The following LRP1B variants were observed in gnomAD, a reference collection of about 807,000 sequenced individuals.
The protein encoded by LRP1B is low-density lipoprotein receptor-related protein 1B.
In LRP1B, 217 loss-of-function variants were observed where a neutral mutation model predicts 556.6. The ratio of observed to expected loss-of-function variants is 0.39; its 90% CI spans 0.35 to 0.44. The LOEUF is 0.44. LRP1B is among the 20% of genes least tolerant of loss of function. The probability of loss-of-function intolerance (pLI) is 1.00; values close to 1 mark genes in which losing one functional copy is unlikely to be tolerated. For synonymous variants in LRP1B, 2,047 were observed against 1,865.8 expected (o/e 1.10, Z -2.50); for missense variants, 5,053 against 5,620.8 (o/e 0.90, Z 3.23).
intron 89 of LRP1B, among the ~76,000 whole-genome samples, chr2:140,237,864 C>T (rs1299256215): frequency 1.3e-5 from 2 of 150,350 alleles, no homozygotes; most frequent in Non-Finnish European, 1.5e-5. Flanking sequence ...TTTATGTAAA[C>T]AAAATTAGAT....
intron 18 of LRP1B, among the ~76,000 whole-genome samples, chr2:140,952,599 C>A (rs1007142371): frequency 6.6e-5 from 10 of 151,554 alleles, no homozygotes; most frequent in African/African-American, 2.4e-4. Context: ...AATCAAGAGA[C>A]CTCCTTACTA....
At chr2:140,677,259 C>A (rs1045675214) in intron 41 of LRP1B, among the ~76,000 whole-genome samples, 3 of 152,112 alleles carry the variant, frequency 2.0e-5, no homozygotes, top group African/African-American at 4.8e-5. Context: ...AATGAGGGAA[C>A]TTGTGAAAGA....
intron 43 of LRP1B, among the ~76,000 whole-genome samples, chr2:140,561,226 T>C (rs1042047714): frequency 1.3e-5 from 2 of 152,148 alleles, no homozygotes; most frequent in Non-Finnish European, 2.9e-5. Context: ...GTGAAGAAAT[T>C]TTCTATCCTA....
chr2:140,974,243 T>C (rs1366876380), intron 18 of LRP1B, among the ~76,000 whole-genome samples: 6 of 152,206 alleles, frequency 3.9e-5, no homozygotes, highest in Admixed American at 3.9e-4. Context: ...CCCTCTGAAA[T>C]GTTGAGTTAT....
At chr2:140,389,401 C>T (rs536426547) in intron 66 of LRP1B, among the ~76,000 whole-genome samples, 20 of 151,470 alleles carry the variant, frequency 1.3e-4, no homozygotes, top group African/African-American at 4.6e-4. Flanking sequence ...TCTTTAGACC[C>T]AAAGGAATCT....
At chr2:140,669,427 G>C (rs964101953) in intron 41 of LRP1B, among the ~76,000 whole-genome samples, 28 of 152,060 alleles carry the variant, frequency 1.8e-4, no homozygotes, top group Non-Finnish European at 4.0e-4. Flanking sequence ...TTTTGTAAAA[G>C]CTCTGGAAAT....
chr2:141,431,740 A>G (rs1025075551), intron 3 of LRP1B, among the ~76,000 whole-genome samples: 1 of 152,058 alleles, frequency 6.6e-6, no homozygotes, highest in African/African-American at 2.4e-5. Flanking sequence ...AAAATATTAT[A>G]CATTTTAAAT....
intron 35 of LRP1B, among the ~76,000 whole-genome samples, chr2:140,728,818 G>C (rs988046422): frequency 5.9e-5 from 9 of 152,066 alleles, no homozygotes; most frequent in Non-Finnish European, 1.3e-4. Context: ...CTGCTACATA[G>C]TGGCTCTGTG....
chr2:141,450,560 A>T (rs1292704026), intron 3 of LRP1B, among the ~76,000 whole-genome samples: 1 of 151,500 alleles, frequency 6.6e-6, no homozygotes, highest in African/African-American at 2.4e-5. Context: ...TTAAAAAAAT[A>T]AAGATGCCAT....
chr2:141,233,890 T>A (rs1253001402), intron 5 of LRP1B, among the ~76,000 whole-genome samples: 1 of 152,014 alleles, frequency 6.6e-6, no homozygotes, highest in Non-Finnish European at 1.5e-5. Context: ...ATGTATATCA[T>A]CTAGTTGTTC....
At chr2:140,911,434 C>A (rs1024920361) in intron 21 of LRP1B, among the ~76,000 whole-genome samples, 6 of 151,710 alleles carry the variant, frequency 4.0e-5, no homozygotes, top group African/African-American at 1.4e-4. Flanking sequence ...GGTAACTTTT[C>A]CAAAATATAT....
At chr2:140,660,137 C>T (rs1685038561) in intron 41 of LRP1B, among the ~76,000 whole-genome samples, 1 of 150,076 alleles carries the variant, frequency 6.7e-6, no homozygotes, top group Non-Finnish European at 1.5e-5. Context: ...CCCACTCCTT[C>T]CCCTCAAAAA....
In LRP1B at chr2:141,019,339, G is replaced by A. The variant is rs548353729; in HGVS notation, c.1970+583C>T. On this transcript the variant is annotated intron_variant, in intron 12 of 90. Coordinates refer to ENST00000389484, the MANE Select transcript of LRP1B (RefSeq NM_018557.3). ...AAAAGTAGTGAAGTTTAGTGGCTAAGAGTAAAGTCATATAGACAGGCTTCC... is the reference window on the plus strand; with the variant it reads ...AAAAGTAGTGAAGTTTAGTGGCTAAAAGTAAAGTCATATAGACAGGCTTCC... Among the ~76,000 whole-genome samples the A allele has an allele frequency of 1.7e-4, 26 of 152,202 alleles. No homozygotes were observed. The South Asian group carries it at 5.0e-3, about 29-fold the overall frequency.
intron 3 of LRP1B, among the ~76,000 whole-genome samples, chr2:141,272,308 AAAC>A (rs1456489581): frequency 2.0e-5 from 3 of 152,134 alleles, no homozygotes; most frequent in Non-Finnish European, 2.9e-5. Flanking sequence ...ACTATTAAGA[AAAC>A]AACTCAAACC....
intron 47 of LRP1B, among the ~76,000 whole-genome samples, chr2:140,527,309 T>G (rs1446720763): frequency 6.6e-6 from 1 of 151,954 alleles, no homozygotes; most frequent in South Asian, 2.1e-4. Flanking sequence ...TTCTACAAGT[T>G]GATTACATTA....
chr2:141,635,120 AC>A lies in LRP1B; in HGVS notation c.206-154588del, dbSNP rs1574170882. 2.0e-5 allele frequency among the ~76,000 whole-genome samples: 3 copies of A among 150,674 alleles called. No homozygotes were observed. In the East Asian group the frequency reaches 5.8e-4, roughly 29 times the overall value. On this transcript the variant is annotated intron_variant, in intron 2 of 90. Coordinates refer to ENST00000389484, the MANE Select transcript of LRP1B (RefSeq NM_018557.3). Reference sequence around the variant, plus strand: ...TCCCATTCATTCCCAAAGCACCTCAACCCTGCAAAAAAGAAAAGAAAAGAAA... The same window carrying A: ...TCCCATTCATTCCCAAAGCACCTCAACCTGCAAAAAAGAAAAGAAAAGAAA...
intron 2 of LRP1B, among the ~76,000 whole-genome samples, chr2:141,642,094 C>T (rs912959238): frequency 5.9e-5 from 9 of 152,106 alleles, no homozygotes; most frequent in South Asian, 2.1e-4. Flanking sequence ...GTAGATTTAA[C>T]GAAGCTCATT....
intron 7 of LRP1B, among the ~76,000 whole-genome samples, chr2:141,095,672 T>C (rs940908126): frequency 6.6e-6 from 1 of 152,110 alleles, no homozygotes; most frequent in Non-Finnish European, 1.5e-5. Context: ...AGTTGTACTA[T>C]GGTACAATTA....
chr2:141,112,982 G>A (rs973640687), intron 7 of LRP1B, among the ~76,000 whole-genome samples: 2 of 152,036 alleles, frequency 1.3e-5, no homozygotes, highest in Non-Finnish European at 2.9e-5. Context: ...ACAGACTTTT[G>A]AAAAGGCAAA....
Sources: allele counts gnomAD v4.1 joint callset (sites outside exome capture counted in the v4.1 genomes callset), GRCh38; gene constraint gnomAD v4.1.1; transcripts MANE v1.5; gene names NCBI Gene and HGNC (gene_info 2026-07-23, HGNC 2026-07-21).